Variants in CHD9 observed in about 807,000 individuals in gnomAD.
CHD9 encodes the protein chromodomain helicase DNA binding protein 9.
CHD9 carries 77 observed loss-of-function variants against 316.1 expected under a neutral mutation model. The observed-to-expected ratio is 0.24, with a 90% CI of 0.20 to 0.29. The LOEUF (loss-of-function observed/expected upper bound fraction) is 0.29. Among genes scored for constraint, CHD9 ranks in the 10% least tolerant of loss-of-function variants. The probability of loss-of-function intolerance (pLI) is 1.00; values close to 1 mark genes in which losing one functional copy is unlikely to be tolerated. For missense variants in CHD9, 2,763 were observed against 3,438.1 expected (o/e 0.80, Z 4.91); for synonymous variants, 1,129 against 1,158.3 (o/e 0.97, Z 0.51).
At chr16:53,254,345 G>A in intron 17 of CHD9, 93 bp from the exon 18 acceptor site, 1 of 865,042 alleles carries the variant, frequency 1.2e-6, no homozygotes, top group Non-Finnish European at 1.7e-6. Context: ...AATGGTCTAA[G>A]AATTCTTGTA....
At chr16:53,252,800 G>A (rs937089052) in intron 17 of CHD9, among the ~76,000 whole-genome samples, 2 of 151,706 alleles carry the variant, frequency 1.3e-5, no homozygotes, top group Admixed American at 1.3e-4. Context: ...TGAAAAGATG[G>A]TCAACATCAC....
At chr16:53,255,478 G>A (rs974931446) in intron 18 of CHD9, 122 bp from the exon 19 acceptor site, 91 of 725,756 alleles carry the variant, frequency 1.3e-4, no homozygotes, top group South Asian at 9.8e-5. Flanking sequence ...TCTCTTATGC[G>A]CATCCCAAAC....
intron 1 of CHD9, among the ~76,000 whole-genome samples, chr16:53,109,632 T>A (rs2037672888): frequency 7.0e-6 from 1 of 143,032 alleles, no homozygotes; most frequent in African/African-American, 2.6e-5. Flanking sequence ...ACAGCGCCCG[T>A]CCTAAGATCA....
chr16:53,255,860 C>T (rs1340086472), intron 19 of CHD9, 81 bp downstream of exon 19: 9 of 1,299,528 alleles, frequency 6.9e-6, no homozygotes, highest in Non-Finnish European at 8.7e-6. Context: ...TCTCTTATAC[C>T]GAATGTTTAA....
intron 1 of CHD9, among the ~76,000 whole-genome samples, chr16:53,063,314 G>T (rs1219631784): frequency 6.7e-6 from 1 of 149,958 alleles, no homozygotes; most frequent in East Asian, 2.0e-4. Context: ...TCCTGCTCCA[G>T]ATTTGTGCTC....
intron 2 of CHD9, among the ~76,000 whole-genome samples, chr16:53,175,198 A>G (rs2043021326): frequency 6.6e-6 from 1 of 151,884 alleles, no homozygotes; most frequent in Non-Finnish European, 1.5e-5. Flanking sequence ...TTTAAAGGGC[A>G]CCCTCTGAAG....
At chr16:53,321,237 G>T in intron 37 of CHD9, 1 of 1,335,174 alleles carries the variant, frequency 7.5e-7, no homozygotes, top group Non-Finnish European at 9.8e-7. Flanking sequence ...ACTCTAGAGG[G>T]TGTACTTTTA....
At chr16:53,094,059 C>T (rs1234296453) in intron 1 of CHD9, among the ~76,000 whole-genome samples, 1 of 152,212 alleles carries the variant, frequency 6.6e-6, no homozygotes, top group African/African-American at 2.4e-5. Context: ...TGCTTCAGCA[C>T]ATGGCCAGTG....
At chr16:53,236,156 T>A (rs1252920991) in intron 11 of CHD9, among the ~76,000 whole-genome samples, 1 of 152,128 alleles carries the variant, frequency 6.6e-6, no homozygotes, top group Non-Finnish European at 1.5e-5. Context: ...GGAAAAGTAG[T>A]TGACAAAACA....
intron 3 of CHD9, among the ~76,000 whole-genome samples, chr16:53,218,185 G>A (rs372665134): frequency 6.6e-6 from 1 of 152,044 alleles, no homozygotes; most frequent in South Asian, 2.1e-4. Context: ...GTTAGAATCT[G>A]AAAACGATTT....
intron 23 of CHD9, among the ~76,000 whole-genome samples, 189 bp from the exon 24 acceptor site, chr16:53,274,021 AAAT>A (rs1164568533): frequency 2.0e-5 from 3 of 152,206 alleles, no homozygotes; most frequent in African/African-American, 7.2e-5. Flanking sequence ...CTTGTATATG[AAAT>A]AATGATGATT....
intron 1 of CHD9, among the ~76,000 whole-genome samples, chr16:53,100,492 T>C (rs369962687): frequency 1.3e-5 from 2 of 151,026 alleles, no homozygotes; most frequent in African/African-American, 4.8e-5. Flanking sequence ...GGTCTTGCTC[T>C]GTTGCCCAGG....
At chr16:53,203,840 G>T (rs2045648157) in intron 2 of CHD9, among the ~76,000 whole-genome samples, 1 of 151,408 alleles carries the variant, frequency 6.6e-6, no homozygotes, top group Admixed American at 6.6e-5. Context: ...TGGCTAACAT[G>T]GTGAAACCCC....
chr16:53,097,392 C>G (rs568144111), intron 1 of CHD9, among the ~76,000 whole-genome samples: 1 of 149,106 alleles, frequency 6.7e-6, no homozygotes, highest in Non-Finnish European at 1.5e-5. Context: ...TCCTTCCTTC[C>G]TTCCTTCCTT....
At chr16:53,089,369 A>G (rs1365901112) in intron 1 of CHD9, among the ~76,000 whole-genome samples, 6 of 152,248 alleles carry the variant, frequency 3.9e-5, no homozygotes, top group Non-Finnish European at 8.8e-5. Context: ...AATGCTTTGT[A>G]AGTCCTCAGG....
At chr16:53,104,065 G>A (rs531277669) in intron 1 of CHD9, among the ~76,000 whole-genome samples, 3 of 152,300 alleles carry the variant, frequency 2.0e-5, no homozygotes, top group South Asian at 4.1e-4. Flanking sequence ...TGCTCTGGTC[G>A]TGGAGCTGCT....
intron 2 of CHD9, among the ~76,000 whole-genome samples, chr16:53,197,815 AC>A (rs981739841): frequency 6.6e-6 from 1 of 151,852 alleles, no homozygotes; most frequent in Non-Finnish European, 1.5e-5. Flanking sequence ...GCACCACCAC[AC>A]CCAGCTAATG....
intron 1 of CHD9, among the ~76,000 whole-genome samples, chr16:53,145,780 A>G (rs1179206917): frequency 6.6e-6 from 1 of 152,120 alleles, no homozygotes; most frequent in Non-Finnish European, 1.5e-5. Flanking sequence ...AAAATAGCTA[A>G]GTATACTACC....
intron 1 of CHD9, among the ~76,000 whole-genome samples, chr16:53,087,601 G>T (rs573967233): frequency 1.3e-5 from 2 of 152,118 alleles, no homozygotes; most frequent in Non-Finnish European, 2.9e-5. Context: ...TGAAAGGATC[G>T]TTATGAGATA....
Sources: gnomAD v4.1 joint callset for allele counts (sites outside exome capture counted in the v4.1 genomes callset) on GRCh38, gnomAD v4.1.1 for gene constraint, MANE v1.5 for transcripts, NCBI Gene and HGNC (gene_info 2026-07-23, HGNC 2026-07-21) for gene names.